Variants in TAFA2 observed in about 807,000 individuals in gnomAD.
TAFA2 encodes chemokine-like protein TAFA-2.
In TAFA2, 7 loss-of-function variants were observed where a neutral mutation model predicts 18.8. The observed-to-expected ratio is 0.37, with a 90% CI of 0.21 to 0.70. The LOEUF is 0.70. Ranked by LOEUF, TAFA2 falls within the 30% of genes least tolerant of loss-of-function variation. The pLI is 0.53. For missense variants in TAFA2, 122 were observed against 158.1 expected, an observed-to-expected ratio of 0.77 and a Z score of 1.23; for synonymous variants, 60 against 54.2, an observed-to-expected ratio of 1.11 and a Z score of -0.47.
Position 61,709,840 on chromosome 12 carries a change from A to T in TAFA2, c.*566T>A, listed in dbSNP as rs1246549068. On this transcript the variant is annotated 3_prime_UTR_variant, in exon 5 of 5. Transcript: ENST00000416284. The stretch of plus-strand genomic sequence containing the variant: ...ATGGATATATATTTCCATTCCTTTA[A>T]CAAAAGCAACTTTAAGATGTTAAAA... 6.6e-6 allele frequency: 1 copy of T among 152,260 alleles called. No individual in the cohort carries two copies. The highest frequency in any genetic ancestry group is 6.6e-5 in the Admixed American group (1 of 15,262). 9.4% of individuals were successfully genotyped at this position (152,260 alleles called of 1,614,324 possible).
intron 1 of TAFA2, among the ~76,000 whole-genome samples, chr12:62,083,204 G>T (rs901619866): frequency 2.0e-5 from 3 of 151,462 alleles, no homozygotes; most frequent in Non-Finnish European, 2.9e-5. Flanking sequence ...GGAGAAATCT[G>T]ATCTGATATA....
At chr12:62,214,719 GC>G (rs1055408387) in intron 1 of TAFA2, among the ~76,000 whole-genome samples, 8 of 152,118 alleles carry the variant, frequency 5.3e-5, no homozygotes, top group Non-Finnish European at 2.9e-5. Flanking sequence ...TAGAAAGATA[GC>G]CAAATAAAAA....
intron 1 of TAFA2, among the ~76,000 whole-genome samples, chr12:61,927,825 G>A (rs1243110827): frequency 6.6e-6 from 1 of 152,108 alleles, no homozygotes; most frequent in Non-Finnish European, 1.5e-5. Context: ...ACAGACCAAT[G>A]AAACAGAACA....
At chr12:61,849,782 T>A (rs1324179005) in intron 2 of TAFA2, among the ~76,000 whole-genome samples, 8 of 152,212 alleles carry the variant, frequency 5.3e-5, no homozygotes, top group African/African-American at 1.9e-4. Flanking sequence ...TTTTACACGA[T>A]GCTTGTGAAA....
chr12:61,911,344 T>C (rs1383005206), intron 1 of TAFA2, among the ~76,000 whole-genome samples: 1 of 152,190 alleles, frequency 6.6e-6, no homozygotes, highest in Non-Finnish European at 1.5e-5. Context: ...GGCCCAATCC[T>C]TCGAAAATTC....
chr12:61,748,981 T>C (rs1414031197), intron 4 of TAFA2, among the ~76,000 whole-genome samples: 3 of 151,894 alleles, frequency 2.0e-5, no homozygotes, highest in African/African-American at 7.3e-5. Context: ...GAAAGAATAA[T>C]GTGGTTGGGT....
At chr12:61,749,843 C>T (rs887615231) in intron 4 of TAFA2, among the ~76,000 whole-genome samples, 6 of 152,148 alleles carry the variant, frequency 3.9e-5, no homozygotes, top group Middle Eastern at 3.4e-3. Flanking sequence ...TTTCTCTAAC[C>T]TGATCCTTAG....
At position 62,175,533 on chromosome 12, in the gene TAFA2, G is replaced by A. The variant is rs1592383037; in HGVS notation, c.-2+15726C>T. On this transcript the variant is annotated intron_variant, in intron 1 of 4. Transcript: ENST00000416284. ...ACTTCACATTTCTCTTTTTTTTGAA[G>A]CTATTGTATAGCTATAATAAGCTCC... Among the ~76,000 whole-genome samples the A allele has an allele frequency of 5.3e-5, 8 of 151,810 alleles. 1 individual carries two copies. In the South Asian group the frequency reaches 1.7e-3, roughly 32 times the overall value.
intron 2 of TAFA2, among the ~76,000 whole-genome samples, chr12:61,785,543 A>T (rs1033555082): frequency 6.6e-6 from 1 of 151,472 alleles, no homozygotes; most frequent in Admixed American, 6.6e-5. Flanking sequence ...GATTATTTCT[A>T]CTTGTTGGCA....
intron 1 of TAFA2, among the ~76,000 whole-genome samples, chr12:62,218,154 C>T (rs1483317870): frequency 6.6e-6 from 1 of 151,922 alleles, no homozygotes; most frequent in East Asian, 1.9e-4. Flanking sequence ...CACCGTCACA[C>T]CGGGCTAACT....
chr12:62,135,907 A>C (rs1021082668), intron 1 of TAFA2: 1 of 152,190 alleles, frequency 6.6e-6, no homozygotes, highest in African/African-American at 2.4e-5. Flanking sequence ...CATGTATAGA[A>C]GAAATGCATG....
At position 61,783,092 on chromosome 12, in the gene TAFA2, T is replaced by C. The variant is rs1870575591; in HGVS notation, c.107-28068A>G. ...TTCAACATACTTTTACATCAAAGGG[T>C]CAATAAGTTGTTTGAAAACTAGCTA... On this transcript the variant is annotated intron_variant, in intron 2 of 4. Transcript: ENST00000416284. Among the ~76,000 whole-genome samples, 6 of 151,612 alleles carry C rather than the reference T, an allele frequency of 4.0e-5. 1 individual carries two copies. In the South Asian group the frequency reaches 1.2e-3, roughly 31 times the overall value.
intron 1 of TAFA2, among the ~76,000 whole-genome samples, chr12:62,042,860 G>A (rs1461972478): frequency 6.6e-6 from 1 of 152,018 alleles, no homozygotes; most frequent in Admixed American, 6.6e-5. Context: ...CCTGTGTGGT[G>A]ACCATTCCTT....
intron 2 of TAFA2, among the ~76,000 whole-genome samples, chr12:61,830,278 GT>G (rs1872669701): frequency 6.7e-6 from 1 of 149,526 alleles, no homozygotes; most frequent in African/African-American, 2.5e-5. Flanking sequence ...ATCAACACAG[GT>G]TTATTCCATA....
chr12:62,129,518 G>A (rs79729193), intron 1 of TAFA2, among the ~76,000 whole-genome samples: 2,666 of 152,128 alleles, frequency 0.018, 74 homozygotes, highest in African/African-American at 0.059. Flanking sequence ...CACCGATACG[G>A]TGGTAATGAA....
chr12:61,884,896 G>A (rs993070893), intron 1 of TAFA2, among the ~76,000 whole-genome samples: 1 of 152,172 alleles, frequency 6.6e-6, no homozygotes, highest in African/African-American at 2.4e-5. Flanking sequence ...TTCAAATGTG[G>A]AAGCCTGCCT....
At chr12:62,037,890 C>T (rs1337685884) in intron 1 of TAFA2, among the ~76,000 whole-genome samples, 9 of 152,200 alleles carry the variant, frequency 5.9e-5, no homozygotes, top group African/African-American at 1.7e-4. Flanking sequence ...TCTTAGTCAC[C>T]TTTATGCCCA....
chr12:62,136,154 T>C (rs1870887704), intron 1 of TAFA2: 1 of 152,108 alleles, frequency 6.6e-6, no homozygotes. Context: ...GTTTTTAAAT[T>C]ACAGGGATTT....
upstream of TAFA2, among the ~76,000 whole-genome samples, chr12:62,197,687 A>G (rs1163581046): frequency 6.6e-6 from 1 of 152,172 alleles, no homozygotes; most frequent in East Asian, 1.9e-4. Context: ...GTTTATATAA[A>G]TTGAATAGTA....
Sources: allele counts gnomAD v4.1 joint callset (sites outside exome capture counted in the v4.1 genomes callset), GRCh38; gene constraint gnomAD v4.1.1; transcripts MANE v1.5; gene names NCBI Gene and HGNC (gene_info 2026-07-23, HGNC 2026-07-21).